Variants in RASAL2 observed in about 807,000 individuals in gnomAD.
RASAL2 encodes the protein RAS protein activator like 2, also known as ras GTPase-activating protein nGAP.
A neutral mutation model predicts 128.9 loss-of-function variants in RASAL2; 58 were observed. That is an observed-to-expected ratio of 0.45 (90% CI 0.36 to 0.56). The LOEUF (loss-of-function observed/expected upper bound fraction) is 0.56. RASAL2 is among the 20% of genes least tolerant of loss of function. RASAL2 has a pLI of 0.00. For missense variants in RASAL2, 1,360 were observed against 1,601.6 expected (o/e 0.85, Z 2.57); for synonymous variants, 561 against 580.8 (o/e 0.97, Z 0.49).
In RASAL2 at chr1:178,390,679, G is replaced by A. The variant is rs552272513; in HGVS notation, c.564+473G>A. Among the ~76,000 whole-genome samples the A allele has an allele frequency of 1.8e-4, 27 of 152,116 alleles. No individual in the cohort carries two copies. In the South Asian group the frequency reaches 2.5e-3, roughly 14 times the overall value. ...CAGGCTTAAGCCACCATGCCCAGCC[G>A]TCCACTACTTTCAGTATAATATTTA... On this transcript the variant is annotated intron_variant, in intron 4 of 17. Transcript: ENST00000367649.
chr1:178,173,028 T>TCTAA (rs1571582392), intron 1 of RASAL2, among the ~76,000 whole-genome samples: 1 of 152,092 alleles, frequency 6.6e-6, no homozygotes, highest in East Asian at 1.9e-4. Flanking sequence ...TATAAATGGA[T>TCTAA]TTTCACCTAT....
At chr1:178,133,255 C>G (rs1194381944) in intron 1 of RASAL2, among the ~76,000 whole-genome samples, 2 of 152,170 alleles carry the variant, frequency 1.3e-5, no homozygotes, top group Non-Finnish European at 2.9e-5. Context: ...TAGCTTTACT[C>G]TTACGCATTT....
At chr1:178,175,763 G>A (rs1436828840) in intron 1 of RASAL2, among the ~76,000 whole-genome samples, 1 of 151,524 alleles carries the variant, frequency 6.6e-6, no homozygotes, top group African/African-American at 2.4e-5. Flanking sequence ...TGTACCCATT[G>A]TTTAGGTCCC....
intron 5 of RASAL2, among the ~76,000 whole-genome samples, chr1:178,437,617 A>G (rs1676338770): frequency 6.6e-6 from 1 of 152,136 alleles, no homozygotes; most frequent in Non-Finnish European, 1.5e-5. Context: ...ACCCCAGAGC[A>G]TGAGAGGATT....
intron 1 of RASAL2, among the ~76,000 whole-genome samples, chr1:178,281,877 A>G (rs1387967141): frequency 6.6e-6 from 1 of 152,190 alleles, no homozygotes; most frequent in Non-Finnish European, 1.5e-5. Flanking sequence ...TTTTAAATGT[A>G]GGCAAGAATA....
intron 15 of RASAL2, 95 bp downstream of exon 15, chr1:178,464,507 A>C: frequency 1.4e-6 from 2 of 1,406,874 alleles, no homozygotes; most frequent in East Asian, 2.3e-5. Context: ...TCCCACCCCC[A>C]TCTTCACCTC....
intron 1 of RASAL2, among the ~76,000 whole-genome samples, chr1:178,224,482 C>T (rs1224734868): frequency 6.6e-6 from 1 of 151,960 alleles, no homozygotes; most frequent in African/African-American, 2.4e-5. Context: ...ATATGTGCTC[C>T]AGTGATAGGA....
intron 4 of RASAL2, among the ~76,000 whole-genome samples, chr1:178,397,926 C>CT (rs1673354216): frequency 6.6e-6 from 1 of 151,764 alleles, no homozygotes; most frequent in Non-Finnish European, 1.5e-5. Flanking sequence ...GAGTTGCACA[C>CT]TTTAAAAGGG....
At position 178,266,558 on chromosome 1, in the gene RASAL2, A is replaced by T. The variant is rs192101757; in HGVS notation, c.203-17006A>T. ...CACCAAATTCGATAAGACGACATGGACACACGTGGAGTGGTTTTAAGTAGC... is the reference window on the plus strand; with the variant it reads ...CACCAAATTCGATAAGACGACATGGTCACACGTGGAGTGGTTTTAAGTAGC... On this transcript the variant is annotated intron_variant, in intron 1 of 17. Coordinates refer to ENST00000367649, the MANE Select transcript of RASAL2 (RefSeq NM_170692.4). Among the ~76,000 whole-genome samples the T allele has an allele frequency of 5.1e-3, 780 of 152,308 alleles. 4 individuals are homozygous for T. The highest frequency in any genetic ancestry group is 6.9e-3 in the Non-Finnish European group (467 of 68,028).
intron 3 of RASAL2, 71 bp from the exon 4 acceptor site, chr1:178,390,029 C>T: frequency 2.1e-6 from 2 of 939,478 alleles, no homozygotes; most frequent in East Asian, 5.0e-5. Context: ...AAACCAGTAA[C>T]TTTACAGTTC....
At chr1:178,264,909 G>T (rs1665874975) in intron 1 of RASAL2, among the ~76,000 whole-genome samples, 1 of 152,164 alleles carries the variant, frequency 6.6e-6, no homozygotes, top group Admixed American at 6.5e-5. Flanking sequence ...CTGGCAACCA[G>T]CCCCCATTTG....
At chr1:178,276,069 T>C (rs1666497211) in intron 1 of RASAL2, among the ~76,000 whole-genome samples, 1 of 152,232 alleles carries the variant, frequency 6.6e-6, no homozygotes, top group African/African-American at 2.4e-5. Flanking sequence ...GAATGATTAC[T>C]TAGTATCCAT....
At chr1:178,341,711 A>G in intron 3 of RASAL2, 1 of 1,519,196 alleles carries the variant, frequency 6.6e-7, no homozygotes, top group Middle Eastern at 1.7e-4. Flanking sequence ...TACCTTTATG[A>G]TTATTGGCTT....
chr1:178,139,730 A>C (rs1183641892), intron 1 of RASAL2, among the ~76,000 whole-genome samples: 1 of 151,430 alleles, frequency 6.6e-6, no homozygotes, highest in East Asian at 1.9e-4. Context: ...TTTTTTTTTT[A>C]ACGTGGATTT....
At chr1:178,306,481 C>T (rs1056557425) in intron 3 of RASAL2, among the ~76,000 whole-genome samples, 53 of 152,274 alleles carry the variant, frequency 3.5e-4, no homozygotes, top group African/African-American at 1.2e-3. Context: ...ACACTGACTT[C>T]CACAATGGTT....
At chr1:178,328,809 G>A (rs1423913566) in intron 3 of RASAL2, among the ~76,000 whole-genome samples, 1 of 152,086 alleles carries the variant, frequency 6.6e-6, no homozygotes, top group African/African-American at 2.4e-5. Flanking sequence ...ACCTTACCAT[G>A]GTATTTTCCT....
chr1:178,303,777 G>A (rs12143015), intron 3 of RASAL2, among the ~76,000 whole-genome samples: 25,530 of 151,806 alleles, frequency 0.17, 2,634 homozygotes, highest in East Asian at 0.31. Flanking sequence ...ATGCTTCCTC[G>A]TAGAAAATGA....
chr1:178,277,921 T>C (rs183469316), intron 1 of RASAL2, among the ~76,000 whole-genome samples: 44 of 152,312 alleles, frequency 2.9e-4, no homozygotes, highest in African/African-American at 1.1e-3. Flanking sequence ...ATATTAATAG[T>C]GTTACAGTCT....
chr1:178,453,176 A>G (rs1025783010), intron 11 of RASAL2, among the ~76,000 whole-genome samples: 2 of 152,118 alleles, frequency 1.3e-5, no homozygotes, highest in East Asian at 3.8e-4. Flanking sequence ...AATACTTGAA[A>G]CTTATTTGGA....
Sources: gnomAD v4.1 joint callset for allele counts (sites outside exome capture counted in the v4.1 genomes callset) on GRCh38, gnomAD v4.1.1 for gene constraint, MANE v1.5 for transcripts, NCBI Gene and HGNC (gene_info 2026-07-23, HGNC 2026-07-21) for gene names.